The following CCDC138 variants were observed in gnomAD, a reference collection of about 807,000 sequenced individuals.
The protein encoded by CCDC138 is coiled-coil domain-containing protein 138.
CCDC138 carries 66 observed loss-of-function variants against 82.3 expected under a neutral mutation model. The ratio of observed to expected loss-of-function variants is 0.80; its 90% confidence interval spans 0.66 to 0.98. The LOEUF is 0.98. Ranked by LOEUF, CCDC138 falls within the 50% of genes least tolerant of loss-of-function variation. The pLI, the probability that CCDC138 is intolerant of heterozygous loss-of-function variation, is 0.00. For synonymous variants in CCDC138, 297 were observed against 265.4 expected (o/e 1.12, Z -1.16); for missense variants, 816 against 758.9 (o/e 1.08, Z -0.88).
Position 108,800,610 on chromosome 2 carries a change from T to C in CCDC138, c.735+2024T>C, listed in dbSNP as rs1262106517. ...CAGTGGTTCTCATCTCAGTTTAGCT[T>C]TTTTTTTTTTTTTTTTTTTTTTTTT... On this transcript the variant is annotated intron_variant, in intron 6 of 14. Coordinates refer to ENST00000295124, the MANE Select transcript of CCDC138 (RefSeq NM_144978.3). 2.2e-3 allele frequency among the ~76,000 whole-genome samples: 42 copies of C among 19,342 alleles called. 1 individual carries two copies. In the East Asian group the frequency reaches 0.082, roughly 38 times the overall value. 12.7% of individuals were successfully genotyped at this position (19,342 alleles called of 152,430 possible). A position where few individuals can be genotyped will look rare whatever the true frequency, so the allele number is the denominator to read the frequency against.
At chr2:108,855,425 T>C (rs1692415653) in intron 12 of CCDC138, among the ~76,000 whole-genome samples, 1 of 152,168 alleles carries the variant, frequency 6.6e-6, no homozygotes, top group South Asian at 2.1e-4. Context: ...ATAAAACTTT[T>C]GTTCCTATAA....
intron 9 of CCDC138, 47 bp from the exon 10 acceptor site, chr2:108,815,894 T>G: frequency 6.6e-7 from 1 of 1,504,354 alleles, no homozygotes; most frequent in Non-Finnish European, 9.0e-7. Flanking sequence ...CTTTGAAGTT[T>G]TATGAAGTTG....
intron 10 of CCDC138, among the ~76,000 whole-genome samples, chr2:108,835,089 A>G (rs1585710): frequency 0.11 from 16,418 of 152,246 alleles, 1,339 homozygotes; most frequent in African/African-American, 0.23. Context: ...ATCTGCTGCA[A>G]ATCTGTGTTG....
At chr2:108,856,638 A>G (rs1692647676) in intron 12 of CCDC138, 156 bp from the exon 13 acceptor site, 1 of 199,040 alleles carries the variant, frequency 5.0e-6, no homozygotes, top group Non-Finnish European at 9.0e-6. Context: ...AGTTCTGACA[A>G]ATCAGTTAGA....
intron 7 of CCDC138, among the ~76,000 whole-genome samples, chr2:108,805,943 G>A (rs1465738242): frequency 6.6e-6 from 1 of 152,046 alleles, no homozygotes; most frequent in Non-Finnish European, 1.5e-5. Context: ...AGTAAACCCC[G>A]TCACTTTGAA....
intron 13 of CCDC138, among the ~76,000 whole-genome samples, chr2:108,859,599 A>C (rs1192954058): frequency 2.6e-5 from 4 of 151,920 alleles, no homozygotes. Flanking sequence ...TTTGTTGAAA[A>C]TCAGTTGGTT....
chr2:108,845,720 C>T lies in CCDC138; in HGVS notation c.1324-1018C>T, dbSNP rs548428953. 7.9e-5 allele frequency among the ~76,000 whole-genome samples: 12 copies of T among 152,054 alleles called. No individual in the cohort carries two copies. The South Asian group carries it at 8.3e-4, about 11-fold the overall frequency. On this transcript the variant is annotated intron_variant, in intron 11 of 14. Transcript: ENST00000295124. Reference sequence around the variant, plus strand: ...CCAAGTAGCTGGGACTATGGGCACCCGCCACCACGCCTGGCTATTTTTTTG... The same window carrying T: ...CCAAGTAGCTGGGACTATGGGCACCTGCCACCACGCCTGGCTATTTTTTTG...
intron 10 of CCDC138, among the ~76,000 whole-genome samples, chr2:108,831,700 T>TTCCTTCCTTCCTTCCTTC (rs1553418473): frequency 6.2e-5 from 9 of 145,152 alleles, no homozygotes; most frequent in African/African-American, 1.6e-4. Flanking sequence ...TGGCACAGAA[T>TTCCTTCCTTCCTTCCTTC]CTTCCTTCCT....
downstream of CCDC138, among the ~76,000 whole-genome samples, chr2:108,879,877 T>G (rs1210718271): frequency 6.6e-6 from 1 of 152,080 alleles, no homozygotes; most frequent in African/African-American, 2.4e-5. Flanking sequence ...TCAAATTTAT[T>G]GGAATAACAG....
chr2:108,811,554 C>T (rs1251620209), intron 7 of CCDC138, among the ~76,000 whole-genome samples: 1 of 151,932 alleles, frequency 6.6e-6, no homozygotes, highest in Non-Finnish European at 1.5e-5. Context: ...CTTCTTTTTT[C>T]TTAGTCTAGC....
chr2:108,815,461 G>GTTTTTTTT (rs35206784), intron 9 of CCDC138, among the ~76,000 whole-genome samples: 39 of 70,720 alleles, frequency 5.5e-4, no homozygotes, highest in East Asian at 1.4e-3. Context: ...GGTTTTTGGT[G>GTTTTTTTT]TTTTTTTTTT....
chr2:108,789,001 C>T (rs1398383861), intron 3 of CCDC138, 35 bp downstream of exon 3: 5 of 1,607,486 alleles, frequency 3.1e-6, no homozygotes, highest in Non-Finnish European at 4.2e-6. Flanking sequence ...TTGCTACCCC[C>T]TCAGTATCTC....
At chr2:108,835,266 A>T (rs1688382102) in intron 10 of CCDC138, among the ~76,000 whole-genome samples, 1 of 152,234 alleles carries the variant, frequency 6.6e-6, no homozygotes, top group Admixed American at 6.5e-5. Context: ...AAGAAAAATG[A>T]ACAATGTGCA....
chr2:108,883,396 A>C (rs1001539172), intron 2 of CCDC138: 2 of 152,210 alleles, frequency 1.3e-5, no homozygotes, highest in African/African-American at 4.8e-5. Flanking sequence ...CTTTTCAGAC[A>C]TTGCCTCTTT....
At chr2:108,814,636 TTTTG>T (rs1366793142) in intron 9 of CCDC138, among the ~76,000 whole-genome samples, 1 of 151,494 alleles carries the variant, frequency 6.6e-6, no homozygotes, top group Non-Finnish European at 1.5e-5. Flanking sequence ...CTTTGAATTT[TTTTG>T]TTTTTTTATT....
intron 13 of CCDC138, among the ~76,000 whole-genome samples, chr2:108,867,583 T>C (rs1393690176): frequency 8.5e-5 from 13 of 152,170 alleles, no homozygotes; most frequent in Non-Finnish European, 1.5e-5. Context: ...ATAGCTCATC[T>C]TGAGTGCATT....
intron 11 of CCDC138, 179 bp from the exon 12 acceptor site, chr2:108,846,559 C>G (rs1690515080): frequency 1.3e-5 from 2 of 156,116 alleles, no homozygotes; most frequent in African/African-American, 4.8e-5. Flanking sequence ...TGCCTGTAGT[C>G]CCAGCTTCTT....
chr2:108,845,903 A>G (rs2150599419), intron 11 of CCDC138, among the ~76,000 whole-genome samples: 1 of 152,260 alleles, frequency 6.6e-6, no homozygotes, highest in East Asian at 1.9e-4. Flanking sequence ...ATCAAATACC[A>G]TTAGATCATA....
chr2:108,823,180 G>T (rs1436420171), intron 10 of CCDC138, among the ~76,000 whole-genome samples: 1 of 152,098 alleles, frequency 6.6e-6, no homozygotes, highest in African/African-American at 2.4e-5. Flanking sequence ...TGAAAAGCCA[G>T]AGAGCTTCAC....
Sources: allele counts gnomAD v4.1 joint callset (sites outside exome capture counted in the v4.1 genomes callset), GRCh38; gene constraint gnomAD v4.1.1; transcripts MANE v1.5; gene names NCBI Gene and HGNC (gene_info 2026-07-23, HGNC 2026-07-21).